The following FCRL2 variants were observed in gnomAD, a reference collection of about 807,000 sequenced individuals.
FCRL2 encodes the protein Fc receptor like 2.
In FCRL2, 48 loss-of-function variants were observed where a neutral mutation model predicts 59.8. The observed-to-expected ratio is 0.80, with a 90% CI of 0.64 to 1.02. The LOEUF (loss-of-function observed/expected upper bound fraction) is 1.02, where lower values mean the gene tolerates loss of function less well. Ranked by LOEUF, FCRL2 falls within the 50% of genes least tolerant of loss-of-function variation. The pLI, the probability that FCRL2 is intolerant of heterozygous loss-of-function variation, is 0.00. For missense variants in FCRL2, 658 were observed against 597.3 expected, an observed-to-expected ratio of 1.10 and a Z score of -1.06; for synonymous variants, 251 against 229.5, an observed-to-expected ratio of 1.09 and a Z score of -0.85.
chr1:157,769,781 GAACA>G (rs1649838697), intron 4 of FCRL2, 81 bp downstream of exon 4: 31 of 1,484,924 alleles, frequency 2.1e-5, no homozygotes, highest in Non-Finnish European at 2.7e-5. Context: ...GACAGGAGTT[GAACA>G]AAGAAACAGA....
chr1:157,746,980 G>A, intron 10 of FCRL2, 81 bp from the exon 11 acceptor site: 1 of 1,388,260 alleles, frequency 7.2e-7, no homozygotes, highest in Non-Finnish European at 1.0e-6. Context: ...CCAGGGCATA[G>A]AACTACTATG....
At position 157,767,461 on chromosome 1, in the gene FCRL2, G is replaced by A. The variant is rs1041557447; in HGVS notation, c.932C>T (p.Ala311Val). ...VLTLRSPGAQAAVGDLLELHC... is the reference protein window; with the variant it reads ...VLTLRSPGAQVAVGDLLELHC... ...AAGCTCCAGCAGGTCCCCCACTGCA[G>A]CCTGGGCCCCAGGAGACCTGAGGGT... The change falls in exon 6 of 12, where the codon GCT becomes GTT. Residue 311 changes from alanine (A) to valine (V), a missense_variant. Physicochemically the swap from Ala to Val is moderately conservative, Grantham distance 64. Transcript: ENST00000361516. The A allele has an allele frequency of 6.2e-7, 1 of 1,614,212 alleles. No individual in the cohort carries two copies. The highest frequency in any genetic ancestry group is 8.5e-7 in the Non-Finnish European group (1 of 1,180,032).
rs1649603770 is a variant in FCRL2, at chr1:157,767,500, G to A, written c.893C>T (p.Ser298Phe). ...VVNIPVRIPVSRPVLTLRSPG... is the reference protein window; with the variant it reads ...VVNIPVRIPVFRPVLTLRSPG... The stretch of plus-strand genomic sequence containing the variant: ...AGACCTGAGGGTGAGGACAGGGCGA[G>A]ACACTGGAACTGACAGACACAGAGG... Residue 298 changes from serine to phenylalanine, a missense_variant, in exon 6 of 12, where the codon TCT becomes TTT. Ser to Phe is a radical substitution (Grantham distance 155). Transcript: ENST00000361516. The A allele has an allele frequency of 5.6e-6, 9 of 1,614,242 alleles. No homozygotes were observed. The highest frequency in any genetic ancestry group is 7.6e-6 in the Non-Finnish European group (9 of 1,180,044).
At chr1:157,760,759 A>AAAGAAAG (rs1649025816) in intron 7 of FCRL2, among the ~76,000 whole-genome samples, 3 of 139,720 alleles carry the variant, frequency 2.1e-5, no homozygotes, top group Admixed American at 7.2e-5. Flanking sequence ...AAGAAAGAAG[A>AAAGAAAG]AAGAATGAAA....
intron 4 of FCRL2, 193 bp from the exon 5 acceptor site, chr1:157,768,894 C>T: frequency 1.7e-6 from 1 of 576,872 alleles, no homozygotes; most frequent in Non-Finnish European, 2.9e-6. Context: ...TTTGAATGTC[C>T]TAACCCTGGC....
intron 1 of FCRL2, among the ~76,000 whole-genome samples, chr1:157,776,018 G>A (rs7524661): frequency 0.017 from 2,574 of 152,192 alleles, 62 homozygotes; most frequent in African/African-American, 0.058. Context: ...CTTGACTAAA[G>A]GGATTGTCGA....
Position 157,766,976 on chromosome 1 carries a change from G to T in FCRL2, c.1163-5C>A. The T allele has an allele frequency of 6.2e-7, 1 of 1,610,498 alleles. No homozygotes were observed. ...CTCTTCTATAGCCATCAGGTCCTGA[G>T]GAAAGAAAGCAGTGCTTCAGCCCCA... On this transcript the variant is annotated splice_polypyrimidine_tract_variant and splice_region_variant and intron_variant, in intron 6 of 11. Transcript: ENST00000361516.
intron 7 of FCRL2, among the ~76,000 whole-genome samples, chr1:157,758,557 C>T (rs1443054666): frequency 6.6e-6 from 1 of 151,258 alleles, no homozygotes; most frequent in Non-Finnish European, 1.5e-5. Flanking sequence ...CTCTTCAAAG[C>T]TATTTACAGA....
intron 2 of FCRL2, among the ~76,000 whole-genome samples, chr1:157,771,466 A>G (rs763599701): frequency 1.3e-5 from 2 of 152,356 alleles, no homozygotes; most frequent in East Asian, 1.9e-4. Flanking sequence ...AATAAGATCC[A>G]GTATCTTTAA....
intron 7 of FCRL2, among the ~76,000 whole-genome samples, chr1:157,764,520 G>C (rs890550281): frequency 6.6e-6 from 1 of 152,118 alleles, no homozygotes; most frequent in Admixed American, 6.5e-5. Flanking sequence ...TACAGAATAC[G>C]CATTTTTCTC....
intron 7 of FCRL2, among the ~76,000 whole-genome samples, chr1:157,753,539 C>T (rs1382283016): frequency 6.6e-6 from 1 of 152,092 alleles, no homozygotes; most frequent in Non-Finnish European, 1.5e-5. Flanking sequence ...GTTTCTGTTC[C>T]CAAGGGAATG....
chr1:157,761,071 A>G (rs1649069393), intron 7 of FCRL2, among the ~76,000 whole-genome samples: 1 of 152,250 alleles, frequency 6.6e-6, no homozygotes. Flanking sequence ...AAAGCGTTTT[A>G]CAAAAGCTTC....
At chr1:157,748,225 C>G (rs1275889038) in intron 10 of FCRL2, among the ~76,000 whole-genome samples, 1 of 151,950 alleles carries the variant, frequency 6.6e-6, no homozygotes, top group African/African-American at 2.4e-5. Context: ...TTGAATCCAG[C>G]CATGGTGAAA....
chr1:157,776,266 A>G (rs943512106), intron 1 of FCRL2, among the ~76,000 whole-genome samples: 1 of 152,162 alleles, frequency 6.6e-6, no homozygotes, highest in African/African-American at 2.4e-5. Flanking sequence ...ATATTTATTT[A>G]GTGCCTACAC....
At chr1:157,751,773 G>A (rs1247937736) in intron 7 of FCRL2, among the ~76,000 whole-genome samples, 3 of 152,222 alleles carry the variant, frequency 2.0e-5, no homozygotes, top group East Asian at 1.9e-4. Context: ...GAGATGTTAA[G>A]TGCTCAGCTG....
intron 2 of FCRL2, among the ~76,000 whole-genome samples, chr1:157,771,528 A>C (rs7543979): frequency 0.16 from 23,988 of 152,146 alleles, 1,941 homozygotes; most frequent in East Asian, 0.23. Context: ...TTTCTCATCC[A>C]TTCAGTGAAG....
intron 2 of FCRL2, among the ~76,000 whole-genome samples, chr1:157,771,082 C>T (rs1246946059): frequency 6.6e-6 from 1 of 152,146 alleles, no homozygotes; most frequent in Non-Finnish European, 1.5e-5. Context: ...CATGAGGGTT[C>T]CACCGTCATG....
chr1:157,770,527 G>C lies in FCRL2; in HGVS notation c.192C>G (p.Phe64Leu). The C allele has an allele frequency of 6.2e-7, 1 of 1,614,216 alleles. No individual in the cohort carries two copies. Among genetic ancestry groups the C allele is most frequent in the Non-Finnish European group, 8.5e-7 (1 of 1,180,030 alleles). ...DNKELSVFKK[F>L]SDFLIQSAVL... ...CTGCACTTTGGATAAGGAAATCTGA[G>C]AATTTTTTGAAAACAGATAACTCTT... The change falls in exon 3 of 12, where the codon TTC becomes TTG. Residue 64 changes from phenylalanine (F) to leucine (L), a missense_variant. Physicochemically the swap from Phe to Leu is conservative, Grantham distance 22. Coordinates refer to ENST00000361516, the MANE Select transcript of FCRL2 (RefSeq NM_030764.4).
rs543142390 is a variant in FCRL2 at position 157,771,076 on chromosome 1, A to G, written c.53-410T>C. Among the ~76,000 whole-genome samples the G allele has an allele frequency of 1.2e-4, 18 of 152,290 alleles. 3 individuals are homozygous for G. In the South Asian group the frequency reaches 3.7e-3, roughly 32 times the overall value. The stretch of plus-strand genomic sequence containing the variant: ...TATAAAAGCATTAGTCCTATTCATG[A>G]GGGTTCCACCGTCATGACCTTATTA... On this transcript the variant is annotated intron_variant, in intron 2 of 11. Transcript: ENST00000361516.
Sources: gnomAD v4.1 joint callset for allele counts (sites outside exome capture counted in the v4.1 genomes callset) on GRCh38, gnomAD v4.1.1 for gene constraint, MANE v1.5 for transcripts, NCBI Gene and HGNC (gene_info 2026-07-23, HGNC 2026-07-21) for gene names.